Variants in ROBO1 observed in about 807,000 individuals in gnomAD.
ROBO1 encodes the protein roundabout homolog 1.
Under a neutral mutation model 195.9 loss-of-function variants are expected in ROBO1, and 149 were observed. The ratio of observed to expected loss-of-function variants is 0.76; its 90% CI spans 0.67 to 0.87. The LOEUF (loss-of-function observed/expected upper bound fraction) is 0.87, where lower values mean the gene tolerates loss of function less well. ROBO1 is among the 40% of genes least tolerant of loss of function. ROBO1 has a pLI of 0.00. For synonymous variants in ROBO1, 816 were observed against 733.2 expected (o/e 1.11, Z -1.82); for missense variants, 1,933 against 2,068.3 (o/e 0.93, Z 1.27).
intron 4 of ROBO1, among the ~76,000 whole-genome samples, chr3:78,910,565 T>C (rs2038182363): frequency 6.6e-6 from 1 of 151,906 alleles, no homozygotes; most frequent in African/African-American, 2.4e-5. Context: ...TAGGGCAATC[T>C]TGTAGAAAAC....
At chr3:79,449,999 T>C (rs2039389273) in intron 2 of ROBO1, among the ~76,000 whole-genome samples, 2 of 151,940 alleles carry the variant, frequency 1.3e-5, no homozygotes, top group South Asian at 4.1e-4. Context: ...ATACCTAAAA[T>C]AGACGATTCT....
intron 3 of ROBO1, among the ~76,000 whole-genome samples, chr3:79,091,739 T>C (rs1365709385): frequency 6.6e-6 from 1 of 152,036 alleles, no homozygotes; most frequent in East Asian, 1.9e-4. Context: ...GAACAAACCA[T>C]GTGAGTTTGT....
At chr3:79,085,484 G>A (rs73124681) in intron 3 of ROBO1, among the ~76,000 whole-genome samples, 1,562 of 152,226 alleles carry the variant, frequency 0.01, 13 homozygotes, top group Non-Finnish European at 0.017. Flanking sequence ...AGTTTAAAGG[G>A]CGGATAGGCA....
At chr3:79,135,012 C>G (rs2080374006) in intron 2 of ROBO1, among the ~76,000 whole-genome samples, 1 of 146,510 alleles carries the variant, frequency 6.8e-6, no homozygotes, top group South Asian at 2.2e-4. Context: ...ACAATGTGCA[C>G]ATGTACCCTA....
At chr3:79,047,572 T>C (rs928713725) in intron 3 of ROBO1, among the ~76,000 whole-genome samples, 2 of 152,120 alleles carry the variant, frequency 1.3e-5, no homozygotes. Flanking sequence ...GAATTCTTGG[T>C]CCACAGAATC....
chr3:79,711,928 T>TGGGGGGGGGGGGGGGGGGGG (rs201361807), intron 1 of ROBO1, among the ~76,000 whole-genome samples: 3 of 14,044 alleles, frequency 2.1e-4, no homozygotes, highest in African/African-American at 3.2e-4. Context: ...GATGGGCGGG[T>TGGGGGGGGGGGGGGGGGGGG]GGGTGGGGGA....
In ROBO1 at chr3:78,635,978, T is replaced by G. The variant is rs764079767; in HGVS notation, c.3168A>C (p.Pro1056=). 4 of 1,613,794 alleles carry G rather than the reference T, an allele frequency of 2.5e-6. No homozygotes were observed. The highest frequency in any genetic ancestry group is 3.4e-6 in the Non-Finnish European group (4 of 1,179,838). ...KINEMKTFNS[P]NLKDGRFVNP... ...TGACAAAACGCCCATCCTTCAGATT[T>G]GGGCTATTGAAGGTTTTCATCTCAT... The change falls in exon 23 of 31, where the codon CCA becomes CCC. Residue 1056 remains proline (P), a synonymous_variant. Transcript: ENST00000464233.
chr3:79,741,644 T>C (rs534075075), intron 1 of ROBO1, among the ~76,000 whole-genome samples: 19 of 152,146 alleles, frequency 1.2e-4, no homozygotes, highest in Non-Finnish European at 2.5e-4. Flanking sequence ...TAAAGATATC[T>C]GAAAATGCAA....
chr3:78,950,835 C>T (rs1277799432), intron 3 of ROBO1, among the ~76,000 whole-genome samples: 4 of 151,876 alleles, frequency 2.6e-5, no homozygotes, highest in Non-Finnish European at 5.9e-5. Flanking sequence ...AGATATAAAG[C>T]TTTCCATGTA....
At position 78,732,376 on chromosome 3, in the gene ROBO1, T is replaced by C. The variant is rs2108196662; in HGVS notation, c.657+14367A>G. On this transcript the variant is annotated intron_variant, in intron 5 of 30. Transcript: ENST00000464233. ...GCCTAACCAATCTGGACATCCAACC[T>C]AATGGCCATTAGTCCATGTAACTGT... Among the ~76,000 whole-genome samples the C allele has an allele frequency of 3.3e-5, 5 of 152,158 alleles. 1 individual carries two copies. Among genetic ancestry groups the C allele is most frequent in the Middle Eastern group, 6.8e-3 (2 of 294 alleles).
chr3:79,280,756 C>A (rs1017721900), intron 2 of ROBO1, among the ~76,000 whole-genome samples: 1 of 152,122 alleles, frequency 6.6e-6, no homozygotes, highest in Non-Finnish European at 1.5e-5. Context: ...ATTCGATTGA[C>A]CTCAGATCAT....
intron 8 of ROBO1, among the ~76,000 whole-genome samples, chr3:78,691,110 T>C (rs1316730998): frequency 6.6e-6 from 1 of 152,136 alleles, no homozygotes; most frequent in Non-Finnish European, 1.5e-5. Flanking sequence ...TCTATATGTG[T>C]GTTAAATATC....
chr3:79,483,473 T>A (rs915971297), intron 2 of ROBO1, among the ~76,000 whole-genome samples: 1 of 152,134 alleles, frequency 6.6e-6, no homozygotes, highest in African/African-American at 2.4e-5. Context: ...ATGCCAAGGA[T>A]ATATTCTGAG....
intron 4 of ROBO1, among the ~76,000 whole-genome samples, chr3:78,822,127 C>T (rs1406426918): frequency 1.4e-5 from 2 of 144,260 alleles, no homozygotes; most frequent in Non-Finnish European, 3.1e-5. Context: ...CACAAATGTA[C>T]GGTGTTGGTT....
chr3:78,711,335 C>CCTT (rs2081691232), intron 8 of ROBO1, among the ~76,000 whole-genome samples: 7 of 104,358 alleles, frequency 6.7e-5, no homozygotes, highest in African/African-American at 2.5e-4. Flanking sequence ...CTCCTTCCTT[C>CCTT]CTTCCTTCCT....
At chr3:78,748,687 A>G (rs1417978822) in intron 4 of ROBO1, among the ~76,000 whole-genome samples, 2 of 151,902 alleles carry the variant, frequency 1.3e-5, no homozygotes, top group African/African-American at 4.8e-5. Context: ...TCCTTCCTCA[A>G]TTCCAACCAA....
intron 2 of ROBO1, among the ~76,000 whole-genome samples, chr3:79,288,000 T>A (rs955029590): frequency 1.3e-5 from 2 of 152,158 alleles, no homozygotes; most frequent in Admixed American, 1.3e-4. Context: ...TGTATTTTTG[T>A]ATAAAAATAC....
chr3:78,890,920 C>T (rs1193679514), intron 4 of ROBO1, among the ~76,000 whole-genome samples: 1 of 152,112 alleles, frequency 6.6e-6, no homozygotes, highest in African/African-American at 2.4e-5. Flanking sequence ...TACCACCACG[C>T]CCAACTAATG....
Position 78,598,600 on chromosome 3 carries a change from G to GAAC in ROBO1, c.*310_*312dup, listed in dbSNP as rs1702978146. 1 of 245,100 alleles carries GAAC rather than the reference G, an allele frequency of 4.1e-6. No homozygotes were observed. Among genetic ancestry groups the GAAC allele is most frequent in the Admixed American group, 5.4e-5 (1 of 18,614 alleles). 15.2% of individuals were successfully genotyped at this position (245,100 alleles called of 1,614,324 possible). A position where few individuals can be genotyped will look rare whatever the true frequency, so the allele number is the denominator to read the frequency against. On this transcript the variant is annotated 3_prime_UTR_variant, in exon 31 of 31. Coordinates refer to ENST00000464233, the MANE Select transcript of ROBO1 (RefSeq NM_002941.4). Reference sequence around the variant, plus strand: ...CATATCTCAGCGGCAAAATGCAAAAGAACAGTTTTGTTCCCTCTTGCTGGC... The same window carrying GAAC: ...CATATCTCAGCGGCAAAATGCAAAAGAACAACAGTTTTGTTCCCTCTTGCTGGC...
Sources: allele counts gnomAD v4.1 joint callset (sites outside exome capture counted in the v4.1 genomes callset), GRCh38; gene constraint gnomAD v4.1.1; transcripts MANE v1.5; gene names NCBI Gene and HGNC (gene_info 2026-07-23, HGNC 2026-07-21).